MAML3: variants seen among roughly 807,000 people sequenced by gnomAD.
MAML3 encodes the protein mastermind-like protein 3.
In MAML3, 27 loss-of-function variants were observed where a neutral mutation model predicts 101.9. The ratio of observed to expected loss-of-function variants is 0.27; its 90% CI spans 0.20 to 0.37. MAML3 has a LOEUF of 0.37. Among genes scored for constraint, MAML3 ranks in the 10% least tolerant of loss-of-function variants. The probability of loss-of-function intolerance (pLI) is 1.00; values close to 1 mark genes in which losing one functional copy is unlikely to be tolerated. For missense variants in MAML3, 1,316 were observed against 1,444.9 expected (o/e 0.91, Z 1.45); for synonymous variants, 501 against 555.9 (o/e 0.90, Z 1.39).
At chr4:139,746,891 G>A (rs1729342329) in intron 2 of MAML3, among the ~76,000 whole-genome samples, 1 of 152,170 alleles carries the variant, frequency 6.6e-6, no homozygotes, top group East Asian at 1.9e-4. Flanking sequence ...GGAGAATCGG[G>A]TGGGAGGGGG....
chr4:140,031,488 T>C (rs551212193), intron 1 of MAML3, among the ~76,000 whole-genome samples: 1 of 152,272 alleles, frequency 6.6e-6, no homozygotes, highest in Admixed American at 6.5e-5. Flanking sequence ...ACAAAGTTAT[T>C]AGAGGATAGA....
chr4:140,143,991 C>T (rs888264328), intron 1 of MAML3, among the ~76,000 whole-genome samples: 5 of 151,806 alleles, frequency 3.3e-5, no homozygotes, highest in African/African-American at 9.7e-5. Context: ...ATGTGTAAAC[C>T]CATCTTCTTT....
intron 1 of MAML3, among the ~76,000 whole-genome samples, chr4:139,906,688 A>C (rs1213029082): frequency 6.6e-6 from 1 of 152,192 alleles, no homozygotes; most frequent in Non-Finnish European, 1.5e-5. Context: ...TGTAGAGTAA[A>C]AAGTATGTAT....
chr4:139,877,362 A>G (rs552217232), intron 2 of MAML3, among the ~76,000 whole-genome samples: 11 of 147,650 alleles, frequency 7.5e-5, no homozygotes, highest in Non-Finnish European at 1.4e-4. Flanking sequence ...AGAGTATTAT[A>G]ACCTCTAGAA....
chr4:139,731,599 A>G (rs1223172198), intron 2 of MAML3, among the ~76,000 whole-genome samples: 1 of 152,108 alleles, frequency 6.6e-6, no homozygotes, highest in Non-Finnish European at 1.5e-5. Flanking sequence ...CCTGGGCGAC[A>G]GAGTGAGACT....
intron 1 of MAML3, among the ~76,000 whole-genome samples, chr4:140,095,734 C>A (rs933464061): frequency 3.3e-5 from 5 of 152,126 alleles, no homozygotes; most frequent in African/African-American, 1.2e-4. Context: ...GTCACCCACT[C>A]AATCCTTGCA....
chr4:140,083,250 T>C (rs975572205), intron 1 of MAML3, among the ~76,000 whole-genome samples: 2 of 152,232 alleles, frequency 1.3e-5, no homozygotes, highest in African/African-American at 4.8e-5. Flanking sequence ...CTTTGTGGCA[T>C]CTGTAAAACA....
chr4:139,794,478 C>G (rs971179280), intron 2 of MAML3: 2 of 152,242 alleles, frequency 1.3e-5, no homozygotes, highest in African/African-American at 4.8e-5. Flanking sequence ...TGGCCTCACC[C>G]TGGTCCTGAT....
At chr4:140,019,719 G>A (rs978236832) in intron 1 of MAML3, among the ~76,000 whole-genome samples, 2 of 152,154 alleles carry the variant, frequency 1.3e-5, no homozygotes, top group East Asian at 1.9e-4. Flanking sequence ...TGGAAGCACC[G>A]AAGTCCTTTT....
chr4:140,114,062 T>C (rs1397575628), intron 1 of MAML3, among the ~76,000 whole-genome samples: 1 of 152,166 alleles, frequency 6.6e-6, no homozygotes, highest in Non-Finnish European at 1.5e-5. Flanking sequence ...CCATCTTCTC[T>C]GGGTAGAAAA....
intron 2 of MAML3, among the ~76,000 whole-genome samples, chr4:139,860,789 G>C (rs765731949): frequency 9.2e-5 from 14 of 152,092 alleles, no homozygotes; most frequent in Non-Finnish European, 1.6e-4. Context: ...AAAACACTGA[G>C]TTTGTTCTGT....
intron 2 of MAML3, among the ~76,000 whole-genome samples, chr4:139,827,024 C>T (rs1196485908): frequency 6.6e-6 from 1 of 152,078 alleles, no homozygotes; most frequent in African/African-American, 2.4e-5. Context: ...AACGACCATT[C>T]AGAAAAGGAT....
intron 2 of MAML3, among the ~76,000 whole-genome samples, chr4:139,752,580 T>A (rs888559713): frequency 1.3e-5 from 2 of 152,190 alleles, no homozygotes; most frequent in Admixed American, 1.3e-4. Flanking sequence ...AAGCCAGGAC[T>A]TCTCATGTCT....
chr4:139,862,824 G>A (rs1258926947), intron 2 of MAML3, among the ~76,000 whole-genome samples: 3 of 152,148 alleles, frequency 2.0e-5, no homozygotes, highest in Non-Finnish European at 4.4e-5. Context: ...GGAAAAGCTC[G>A]GAATATGGAG....
intron 1 of MAML3, among the ~76,000 whole-genome samples, chr4:140,074,219 A>AAGAGAGAGAGAGAG (rs1313742348): frequency 7.0e-5 from 4 of 57,226 alleles, no homozygotes; most frequent in Non-Finnish European, 2.0e-4. Flanking sequence ...GAAAGAAAGA[A>AAGAGAGAGAGAGAG]AGAAAGAAAG....
intron 1 of MAML3, among the ~76,000 whole-genome samples, chr4:140,090,936 G>A (rs1299153319): frequency 6.6e-6 from 1 of 152,240 alleles, no homozygotes; most frequent in Non-Finnish European, 1.5e-5. Flanking sequence ...TGTAATTTCG[G>A]CTACTTGGAA....
intron 1 of MAML3, among the ~76,000 whole-genome samples, chr4:139,904,302 C>G: frequency 6.6e-6 from 1 of 152,304 alleles, no homozygotes; most frequent in Non-Finnish European, 1.5e-5. Flanking sequence ...CTCTCAGTGT[C>G]TTAGATGGGT....
chr4:139,834,819 G>A (rs1731230671), intron 2 of MAML3, among the ~76,000 whole-genome samples: 1 of 152,126 alleles, frequency 6.6e-6, no homozygotes, highest in Non-Finnish European at 1.5e-5. Flanking sequence ...TTGATCAAAG[G>A]GTGACTACCC....
chr4:140,086,389 C>G (rs1470824063), intron 1 of MAML3, among the ~76,000 whole-genome samples: 2 of 152,180 alleles, frequency 1.3e-5, no homozygotes, highest in Non-Finnish European at 2.9e-5. Context: ...TTTTGTCCCA[C>G]AATAGAGTTA....
Sources: allele counts gnomAD v4.1 joint callset (sites outside exome capture counted in the v4.1 genomes callset), GRCh38; gene constraint gnomAD v4.1.1; transcripts MANE v1.5; gene names NCBI Gene and HGNC (gene_info 2026-07-23, HGNC 2026-07-21).